Variants in ARFGEF1 observed in about 807,000 individuals in gnomAD.
ARFGEF1 encodes brefeldin A-inhibited guanine nucleotide-exchange protein 1.
Under a neutral mutation model 231.0 loss-of-function variants are expected in ARFGEF1, and 42 were observed. The observed-to-expected ratio is 0.18, with a 90% CI of 0.14 to 0.24. ARFGEF1 has a LOEUF of 0.24. Ranked by LOEUF, ARFGEF1 falls within the 10% of genes least tolerant of loss-of-function variation. The probability of loss-of-function intolerance (pLI) is 1.00; values close to 1 mark genes in which losing one functional copy is unlikely to be tolerated. For synonymous variants in ARFGEF1, 710 were observed against 732.3 expected (o/e 0.97, Z 0.49); for missense variants, 1,345 against 2,192.0 (o/e 0.61, Z 7.72).
chr8:67,229,779 C>T (rs1839497095), intron 23 of ARFGEF1, among the ~76,000 whole-genome samples: 1 of 151,938 alleles, frequency 6.6e-6, no homozygotes, highest in Non-Finnish European at 1.5e-5. Context: ...CAAGCCACAC[C>T]ATGAATACAG....
chr8:67,319,466 T>C (rs964102322), intron 1 of ARFGEF1, among the ~76,000 whole-genome samples: 1 of 151,714 alleles, frequency 6.6e-6, no homozygotes, highest in African/African-American at 2.4e-5. Context: ...AGGATAATCT[T>C]TTCAACAAAT....
At chr8:67,285,629 G>A (rs1253151306) in intron 7 of ARFGEF1, among the ~76,000 whole-genome samples, 1 of 152,140 alleles carries the variant, frequency 6.6e-6, no homozygotes, top group African/African-American at 2.4e-5. Flanking sequence ...TTCCTTTACA[G>A]AGAGCTGATA....
chr8:67,317,335 ACT>A (rs1363645894), intron 1 of ARFGEF1, among the ~76,000 whole-genome samples: 2 of 152,092 alleles, frequency 1.3e-5, no homozygotes, highest in African/African-American at 2.4e-5. Context: ...TGGTCTGGAA[ACT>A]CTCAAGCATT....
At chr8:67,228,345 T>G in intron 23 of ARFGEF1, 81 bp from the exon 24 acceptor site, 2 of 1,328,600 alleles carry the variant, frequency 1.5e-6, no homozygotes, top group South Asian at 2.6e-5. Context: ...CATGGGGTAC[T>G]AGCTATTTTT....
chr8:67,312,400 T>C (rs115310927), intron 1 of ARFGEF1, among the ~76,000 whole-genome samples: 68 of 152,136 alleles, frequency 4.5e-4, no homozygotes, highest in African/African-American at 1.5e-3. Flanking sequence ...TGGAAGCCAA[T>C]AGGAGCTGTG....
chr8:67,288,648 G>C (rs1805863533), intron 6 of ARFGEF1, among the ~76,000 whole-genome samples: 1 of 152,054 alleles, frequency 6.6e-6, no homozygotes, highest in Admixed American at 6.6e-5. Flanking sequence ...CAGGAGAACT[G>C]CTTGAACTCG....
intron 1 of ARFGEF1, among the ~76,000 whole-genome samples, chr8:67,335,375 G>A (rs2128936093): frequency 6.6e-6 from 1 of 152,262 alleles, no homozygotes; most frequent in East Asian, 1.9e-4. Flanking sequence ...AAAGTGCTGG[G>A]ATCACAGGCG....
chr8:67,178,528 G>T (rs114875275), intron 5 of ARFGEF1, among the ~76,000 whole-genome samples: 2,397 of 152,242 alleles, frequency 0.016, 66 homozygotes, highest in African/African-American at 0.055. Context: ...ATAGTTTTTT[G>T]AATCATGGTG....
chr8:67,317,102 G>T (rs1400583977), intron 1 of ARFGEF1, among the ~76,000 whole-genome samples: 4 of 152,168 alleles, frequency 2.6e-5, no homozygotes, highest in Non-Finnish European at 1.5e-5. Context: ...ACACATCAAT[G>T]AGCTGAGAGG....
At chr8:67,193,812 T>A (rs1306543658), downstream of ARFGEF1, among the ~76,000 whole-genome samples, 2 of 152,232 alleles carry the variant, frequency 1.3e-5, no homozygotes, top group Admixed American at 1.3e-4. Context: ...GGTGCCCATT[T>A]TAGAGTGGAG....
rs752610322 is a variant in ARFGEF1, at chr8:67,238,424, A to T, written c.3208T>A (p.Ser1070Thr). The T allele has an allele frequency of 1.9e-6, 3 of 1,613,936 alleles. No homozygotes were observed. Among genetic ancestry groups the T allele is most frequent in the Non-Finnish European group, 2.5e-6 (3 of 1,179,952 alleles). The change falls in exon 22 of 39, where the codon TCT becomes ACT. Residue 1070 changes from serine (S) to threonine (T), a missense_variant. Physicochemically the swap from Ser to Thr is moderately conservative, Grantham distance 58. Around this residue, in one of 14 missense-constraint regions of ARFGEF1, gnomAD observed 146 missense variants for 321.4 expected, o/e 0.45. Coordinates refer to ENST00000262215, the MANE Select transcript of ARFGEF1 (RefSeq NM_006421.5). The part of the protein sequence containing the change: ...IGTGVKPRYI[S>T]GTVRGREGSL... ...CCTTCTCTGCCTCGCACTGTTCCAG[A>T]AATGTATCGAGGTTTCACTCCAGTT... is the stretch of plus-strand genomic sequence containing the variant.
chr8:67,256,947 T>A (rs182502084), intron 17 of ARFGEF1, among the ~76,000 whole-genome samples: 81 of 152,314 alleles, frequency 5.3e-4, no homozygotes, highest in Non-Finnish European at 9.1e-4. Context: ...ATATCTGAGA[T>A]CTGCTTCAAA....
intron 5 of ARFGEF1, chr8:67,177,575 G>C (rs1273157849): frequency 1.4e-6 from 1 of 708,594 alleles, no homozygotes. Context: ...TAGTTGAAAA[G>C]TAATTTCCAG....
intron 1 of ARFGEF1, among the ~76,000 whole-genome samples, chr8:67,323,049 T>C (rs1807667877): frequency 6.6e-6 from 1 of 152,004 alleles, no homozygotes; most frequent in Non-Finnish European, 1.5e-5. Flanking sequence ...GTCAAGAGTT[T>C]GAGACCAGCC....
Position 67,275,436 on chromosome 8 carries a change from C to CAA in ARFGEF1, c.1337+538_1337+539dup, listed in dbSNP as rs1805273224. Among the ~76,000 whole-genome samples, 3 of 152,116 alleles carry CAA rather than the reference C, an allele frequency of 2.0e-5. No individual in the cohort carries two copies. In the South Asian group the frequency reaches 6.2e-4, roughly 32 times the overall value. On this transcript the variant is annotated intron_variant, in intron 9 of 38. Transcript: ENST00000262215. ...CAAAGTTCTTCCTGATCCCAATAGA[C>CAA]AAAGACATCATCCTAGGGCATTTTG...
At chr8:67,261,325 T>C (rs938235590) in intron 14 of ARFGEF1, among the ~76,000 whole-genome samples, 6 of 152,208 alleles carry the variant, frequency 3.9e-5, no homozygotes, top group African/African-American at 9.7e-5. Flanking sequence ...ACTGGCTCTC[T>C]TAGGGGCTAA....
intron 7 of ARFGEF1, among the ~76,000 whole-genome samples, chr8:67,279,510 C>G (rs1805450040): frequency 6.6e-6 from 1 of 152,188 alleles, no homozygotes. Flanking sequence ...TCCTTCACCT[C>G]TTGCTACACC....
chr8:67,311,251 C>A (rs1431965392), intron 1 of ARFGEF1, among the ~76,000 whole-genome samples: 13 of 137,922 alleles, frequency 9.4e-5, no homozygotes, highest in South Asian at 4.7e-4. Flanking sequence ...GAGGTCAGCC[C>A]CCCGCCCGGC....
chr8:67,279,130 A>G (rs867778020), intron 7 of ARFGEF1, among the ~76,000 whole-genome samples: 9 of 152,202 alleles, frequency 5.9e-5, no homozygotes, highest in Non-Finnish European at 1.0e-4. Context: ...AAGAATTTAC[A>G]TATGTAAAGA....
Sources: gnomAD v4.1 joint callset for allele counts (sites outside exome capture counted in the v4.1 genomes callset) on GRCh38, gnomAD v4.1.1 for gene constraint, gnomAD v4.1.1 regional missense constraint, MANE v1.5 for transcripts, NCBI Gene and HGNC (gene_info 2026-07-23, HGNC 2026-07-21) for gene names.